The following METRN variants were observed in gnomAD, a reference collection of about 807,000 sequenced individuals.
The protein encoded by METRN is meteorin, glial cell differentiation regulator.
A neutral mutation model predicts 17.4 loss-of-function variants in METRN; 17 were observed. The ratio of observed to expected loss-of-function variants is 0.98; its 90% CI spans 0.67 to 1.46. The LOEUF (loss-of-function observed/expected upper bound fraction) is 1.46. Among genes scored for constraint, METRN ranks in the 40% most tolerant of loss-of-function variants. METRN has a pLI of 0.00. For synonymous variants in METRN, 230 were observed against 210.8 expected (o/e 1.09, Z -0.79); for missense variants, 489 against 456.2 (o/e 1.07, Z -0.65).
At position 717,691 on chromosome 16, in the gene METRN, C is replaced by G. The variant is rs958431466; in HGVS notation, c.*304C>G. On this transcript the variant is annotated 3_prime_UTR_variant, in exon 4 of 4. Coordinates refer to ENST00000568223, the MANE Select transcript of METRN (RefSeq NM_024042.4). ...AGGGGCCGCTGCTGGGTGGGGGGCA[C>G]GTGGGGACCTGCACTCATGCAAGCT... 2 of 337,462 alleles carry G rather than the reference C, an allele frequency of 5.9e-6. No individual in the cohort carries two copies. The highest frequency in any genetic ancestry group is 1.1e-4 in the South Asian group (1 of 9,170). 20.9% of individuals were successfully genotyped at this position (337,462 alleles called of 1,614,324 possible).
At position 715,643 on chromosome 16, in the gene METRN, C is replaced by T. The variant is rs1459729589; in HGVS notation, c.164C>T (p.Ala55Val). 8 of 1,436,490 alleles carry T rather than the reference C, an allele frequency of 5.6e-6. No individual in the cohort carries two copies. The highest frequency in any genetic ancestry group is 2.3e-4 in the Middle Eastern group (1 of 4,322). 89.0% of individuals were successfully genotyped at this position (1,436,490 alleles called of 1,614,324 possible). ...GQLALACAEG[A>V]VEWLYPAGAL... Reference sequence around the variant, plus strand: ...CTGGCCCTGGCCTGTGCGGAGGGCGCGGTTGAGTGGCTGTACCCGGCTGGG... The same window carrying T: ...CTGGCCCTGGCCTGTGCGGAGGGCGTGGTTGAGTGGCTGTACCCGGCTGGG... Residue 55 changes from alanine to valine, a missense_variant, in exon 2 of 4, where the codon GCG becomes GTG. Transcript: ENST00000568223.
chr16:715,339 T>A lies in METRN; in HGVS notation c.50T>A (p.Leu17Gln). ...ALLCALCCGL[L>Q]APAARAGYSE... ...CTCTGCGCGCTGTGCTGCGGCCTCC[T>A]GGCCCCGGCTGCCCGCGCCGGCTAC... The change falls in exon 1 of 4, where the codon CTG becomes CAG. Residue 17 changes from leucine to glutamine, a missense_variant. Coordinates refer to ENST00000568223, the MANE Select transcript of METRN (RefSeq NM_024042.4). The A allele has an allele frequency of 7.4e-7, 1 of 1,342,286 alleles. No individual in the cohort carries two copies. The highest frequency in any genetic ancestry group is 1.8e-5 in the South Asian group (1 of 56,592). 83.1% of individuals were successfully genotyped at this position (1,342,286 alleles called of 1,614,324 possible).
chr16:715,486 C>T, intron 1 of METRN, 93 bp downstream of exon 1: 1 of 1,260,342 alleles, frequency 7.9e-7, no homozygotes, highest in Non-Finnish European at 1.0e-6. Flanking sequence ...AGCGCTGGGC[C>T]GGTTTCCCCA....
rs2040150532 is a variant in METRN at position 715,279 on chromosome 16, C to T, written c.-11C>T. ...GAGAGCCCCGACTCCCCGGACGCCG[C>T]CCGCCGTGCCATGGGGTTCCCGGCC... On this transcript the variant is annotated 5_prime_UTR_variant, in exon 1 of 4. Coordinates refer to ENST00000568223, the MANE Select transcript of METRN (RefSeq NM_024042.4). The T allele has an allele frequency of 7.7e-7, 1 of 1,307,104 alleles. No individual in the cohort carries two copies. The highest frequency in any genetic ancestry group is 2.9e-4 in the Middle Eastern group (1 of 3,408). The allele number at this position is 1,307,104 out of a possible 1,614,324, so 81.0% of individuals were successfully genotyped here.
At position 718,596 on chromosome 16, in the gene METRN, G is replaced by T. The variant is rs11248945; in HGVS notation, c.*1209G>T. 0.23 allele frequency: 33,081 copies of T among 145,976 alleles called. 4,562 individuals carry two copies. The highest frequency in any genetic ancestry group is 0.57 in the East Asian group (2,924 of 5,124). The allele number at this position is 145,976 out of a possible 1,614,324, so 9.0% of individuals were successfully genotyped here. A position where few individuals can be genotyped will look rare whatever the true frequency, so the allele number is the denominator to read the frequency against. On this transcript the variant is annotated 3_prime_UTR_variant, in exon 4 of 4. Transcript: ENST00000568223. The stretch of plus-strand genomic sequence containing the variant: ...GCCATGCCCTCTGTGGACACCTGGG[G>T]AGGGGGGTCACCTCCAGCGCCGCCC...
Position 715,316 on chromosome 16 carries a change from C to T in METRN, c.27C>T (p.Leu9=), listed in dbSNP as rs1401183536. The change falls in exon 1 of 4, where the codon CTC becomes CTT. Residue 9 remains leucine (L), a synonymous_variant. Coordinates refer to ENST00000568223, the MANE Select transcript of METRN (RefSeq NM_024042.4). The part of the protein sequence containing the change: MGFPAAAL[L]CALCCGLLAP... Reference sequence around the variant, plus strand: ...TGGGGTTCCCGGCCGCGGCGCTGCTCTGCGCGCTGTGCTGCGGCCTCCTGG... The same window carrying T: ...TGGGGTTCCCGGCCGCGGCGCTGCTTTGCGCGCTGTGCTGCGGCCTCCTGG... 3 of 1,351,242 alleles carry T rather than the reference C, an allele frequency of 2.2e-6. No individual in the cohort carries two copies. Among genetic ancestry groups the T allele is most frequent in the Non-Finnish European group, 2.9e-6 (3 of 1,051,650 alleles). 83.7% of individuals were successfully genotyped at this position (1,351,242 alleles called of 1,614,324 possible). A position where few individuals can be genotyped will look rare whatever the true frequency, so the allele number is the denominator to read the frequency against.
chr16:716,057 C>G (rs1248039304), intron 2 of METRN, 73 bp downstream of exon 2: 1 of 1,370,548 alleles, frequency 7.3e-7, no homozygotes, highest in Admixed American at 3.5e-5. Flanking sequence ...CGGGAATGTG[C>G]CTTGTCGGCC....
rs1036819081 is a variant in METRN, at chr16:718,151, C to G, written c.*764C>G. 7 of 152,282 alleles carry G rather than the reference C, an allele frequency of 4.6e-5. No individual in the cohort carries two copies. The highest frequency in any genetic ancestry group is 1.7e-4 in the African/African-American group (7 of 41,466). The allele number at this position is 152,282 out of a possible 1,614,324, so 9.4% of individuals were successfully genotyped here. A position where few individuals can be genotyped will look rare whatever the true frequency, so the allele number is the denominator to read the frequency against. On this transcript the variant is annotated 3_prime_UTR_variant, in exon 4 of 4. Transcript: ENST00000568223. ...GGTGCACAATGGGGTCTCTAAGGAC[C>G]GTTTCCCGCCACTGGCCCCATTGTC...
Position 715,885 on chromosome 16 carries a change from C to T in METRN, c.406C>T (p.His136Tyr). Residue 136 changes from histidine to tyrosine, a missense_variant, in exon 2 of 4, where the codon CAC becomes TAC. Coordinates refer to ENST00000568223, the MANE Select transcript of METRN (RefSeq NM_024042.4). ...RRALFLQATP[H>Y]QDISRRVAAF... Reference sequence around the variant, plus strand: ...GGCCCTCTTCCTGCAGGCCACGCCGCACCAGGACATCAGCCGCCGCGTGGC... The same window carrying T: ...GGCCCTCTTCCTGCAGGCCACGCCGTACCAGGACATCAGCCGCCGCGTGGC... The T allele has an allele frequency of 6.9e-7, 1 of 1,453,174 alleles. No individual in the cohort carries two copies. Among genetic ancestry groups the T allele is most frequent in the Non-Finnish European group, 9.0e-7 (1 of 1,109,152 alleles). 90.0% of individuals were successfully genotyped at this position (1,453,174 alleles called of 1,614,324 possible). A position where few individuals can be genotyped will look rare whatever the true frequency, so the allele number is the denominator to read the frequency against.
rs2040182217 is a variant in METRN at position 718,783 on chromosome 16, C to G, written c.*1396C>G. On this transcript the variant is annotated 3_prime_UTR_variant, in exon 4 of 4. Coordinates refer to ENST00000568223, the MANE Select transcript of METRN (RefSeq NM_024042.4). ...CCTCAGGTTCCTTGCTGCTTCTCTC[C>G]TCTCCCAACTGTGGCACGCTGAGGG... The G allele has an allele frequency of 6.6e-6, 1 of 152,484 alleles. No homozygotes were observed. The highest frequency in any genetic ancestry group is 1.5e-5 in the Non-Finnish European group (1 of 68,272). 9.4% of individuals were successfully genotyped at this position (152,484 alleles called of 1,614,324 possible). A position where few individuals can be genotyped will look rare whatever the true frequency, so the allele number is the denominator to read the frequency against.
chr16:719,352 TAGGG>T lies in METRN; in HGVS notation c.*1968_*1971del, dbSNP rs1335240536. On this transcript the variant is annotated 3_prime_UTR_variant, in exon 4 of 4. Coordinates refer to ENST00000568223, the MANE Select transcript of METRN (RefSeq NM_024042.4). Reference sequence around the variant, plus strand: ...CAGGTGGCCAAAGTGGCATGGGAGATAGGGAGACAGTGTGGGTGAGCAGGTGGGC... The same window carrying T: ...CAGGTGGCCAAAGTGGCATGGGAGATAGACAGTGTGGGTGAGCAGGTGGGC... 6.6e-6 allele frequency: 1 copy of T among 151,982 alleles called. No individual in the cohort carries two copies. The highest frequency in any genetic ancestry group is 2.4e-5 in the African/African-American group (1 of 41,312). The allele number at this position is 151,982 out of a possible 1,614,324, so 9.4% of individuals were successfully genotyped here.
At chr16:715,488 G>A (rs1471424285) in intron 1 of METRN, 95 bp downstream of exon 1, 2 of 1,262,844 alleles carry the variant, frequency 1.6e-6, no homozygotes, top group Admixed American at 4.3e-5. Flanking sequence ...CGCTGGGCCG[G>A]TTTCCCCATC....
Position 715,944 on chromosome 16 carries a change from C to T in METRN, c.465C>T (p.Arg155=), listed in dbSNP as rs774668699. ...GCTTTGAGCTGCGCGAGGACGGGCG[C>T]CCCGAGCTGCCCCCGCAGGCCCACG... ...AFRFELREDG[R]PELPPQAHGL... The change falls in exon 2 of 4, where the codon CGC becomes CGT. Residue 155 remains arginine (R), a synonymous_variant. Transcript: ENST00000568223. 6.7e-7 allele frequency: 1 copy of T among 1,499,052 alleles called. No homozygotes were observed. Among genetic ancestry groups the T allele is most frequent in the South Asian group, 1.2e-5 (1 of 81,466 alleles). The allele number at this position is 1,499,052 out of a possible 1,614,324, so 92.9% of individuals were successfully genotyped here.
intron 2 of METRN, chr16:716,382 G>A (rs1050878555): frequency 1.3e-4 from 190 of 1,424,428 alleles, no homozygotes; most frequent in Non-Finnish European, 1.7e-4. Flanking sequence ...TGTGCAGCCC[G>A]GTCACCATGG....
Position 715,362 on chromosome 16 carries a change from T to C in METRN, c.73T>C (p.Tyr25His). ...CCTGGCCCCGGCTGCCCGCGCCGGC[T>C]ACTCCGAGGAGCGCTGCAGCTGGAG... ...GLLAPAARAGYSEERCSWRGS... is the reference protein window; with the variant it reads ...GLLAPAARAGHSEERCSWRGS... Residue 25 changes from tyrosine to histidine, a missense_variant, in exon 1 of 4, where the codon TAC becomes CAC. Physicochemically the swap from Tyr to His is moderately conservative, Grantham distance 83. Coordinates refer to ENST00000568223, the MANE Select transcript of METRN (RefSeq NM_024042.4). 7.5e-7 allele frequency: 1 copy of C among 1,337,724 alleles called. No homozygotes were observed. The highest frequency in any genetic ancestry group is 9.6e-7 in the Non-Finnish European group (1 of 1,045,764). 82.9% of individuals were successfully genotyped at this position (1,337,724 alleles called of 1,614,324 possible).
At position 717,675 on chromosome 16, in the gene METRN, T is replaced by G; in HGVS notation, c.*288T>G. On this transcript the variant is annotated 3_prime_UTR_variant, in exon 4 of 4. Coordinates refer to ENST00000568223, the MANE Select transcript of METRN (RefSeq NM_024042.4). ...CACCCACATTCCGGGGAGGGGCCGC[T>G]GCTGGGTGGGGGGCACGTGGGGACC... 6.2e-5 allele frequency: 21 copies of G among 337,492 alleles called. No homozygotes were observed. The highest frequency in any genetic ancestry group is 1.4e-4 in the East Asian group (3 of 20,900). 20.9% of individuals were successfully genotyped at this position (337,492 alleles called of 1,614,324 possible).
At position 716,256 on chromosome 16, in the gene METRN, G is replaced by C. The variant is rs2040160926; in HGVS notation, c.505+272G>C. 4.1e-6 allele frequency: 4 copies of C among 985,340 alleles called. No individual in the cohort carries two copies. The African/African-American group carries it at 7.0e-5, about 17-fold the overall frequency. 61.0% of individuals were successfully genotyped at this position (985,340 alleles called of 1,614,324 possible). A position where few individuals can be genotyped will look rare whatever the true frequency, so the allele number is the denominator to read the frequency against. On this transcript the variant is annotated intron_variant, in intron 2 of 3. Coordinates refer to ENST00000568223, the MANE Select transcript of METRN (RefSeq NM_024042.4). ...AATCCTGGGCCTCTGGTCCCTGAAC[G>C]GTTGGGGGAAGAGATGGTGGGGACA...
intron 1 of METRN, 52 bp downstream of exon 1, chr16:715,445 G>A: frequency 7.9e-7 from 1 of 1,267,288 alleles, no homozygotes. Flanking sequence ...GCTGCGGCTA[G>A]GACCCCCCAG....
At chr16:716,315 T>A in intron 2 of METRN, 3 of 1,390,450 alleles carry the variant, frequency 2.2e-6, no homozygotes, top group Non-Finnish European at 2.8e-6. Context: ...TGTCCGGGGC[T>A]CCCTGGCCCA....
Sources: gnomAD v4.1 joint callset for allele counts on GRCh38, gnomAD v4.1.1 for gene constraint, MANE v1.5 for transcripts, NCBI Gene and HGNC (gene_info 2026-07-23, HGNC 2026-07-21) for gene names.